SYT1: variants seen among roughly 807,000 people sequenced by gnomAD.
The protein encoded by SYT1 is synaptotagmin 1, also known as synaptotagmin-1.
SYT1 carries 8 observed loss-of-function variants against 44.8 expected under a neutral mutation model. The ratio of observed to expected loss-of-function variants is 0.18; its 90% CI spans 0.10 to 0.32. SYT1 has a LOEUF of 0.32. Among genes scored for constraint, SYT1 ranks in the 10% least tolerant of loss-of-function variants. The pLI is 1.00. For missense variants in SYT1, 286 were observed against 509.3 expected, an observed-to-expected ratio of 0.56 and a Z score of 4.22; for synonymous variants, 154 against 188.8, an observed-to-expected ratio of 0.82 and a Z score of 1.51.
At chr12:78,955,251 G>A (rs915174344) in intron 1 of SYT1, among the ~76,000 whole-genome samples, 1 of 151,868 alleles carries the variant, frequency 6.6e-6, no homozygotes, top group Non-Finnish European at 1.5e-5. Flanking sequence ...AAATTCAGAA[G>A]ACAAGAAAAG....
intron 8 of SYT1, among the ~76,000 whole-genome samples, chr12:79,336,861 G>A (rs956217278): frequency 6.6e-6 from 1 of 151,858 alleles, no homozygotes; most frequent in Non-Finnish European, 1.5e-5. Flanking sequence ...TTGGGGGGTG[G>A]AGACAGGGTC....
intron 1 of SYT1, among the ~76,000 whole-genome samples, chr12:78,948,128 C>T (rs187430288): frequency 3.3e-5 from 5 of 151,658 alleles, no homozygotes; most frequent in Non-Finnish European, 7.4e-5. Flanking sequence ...AGCACTATTA[C>T]TTAGGTAATT....
At chr12:79,178,043 T>G (rs1013194520) in intron 3 of SYT1, among the ~76,000 whole-genome samples, 12 of 151,844 alleles carry the variant, frequency 7.9e-5, no homozygotes, top group African/African-American at 2.4e-4. Flanking sequence ...AGAAGCTCTT[T>G]AGTTTAATTA....
chr12:79,386,731 G>A (rs943331975), intron 9 of SYT1, among the ~76,000 whole-genome samples: 3 of 152,032 alleles, frequency 2.0e-5, no homozygotes, highest in Admixed American at 1.3e-4. Flanking sequence ...TTTTCAAAAC[G>A]TCTCAGTGCC....
intron 9 of SYT1, among the ~76,000 whole-genome samples, chr12:79,358,690 C>T (rs1883204048): frequency 6.6e-6 from 1 of 152,102 alleles, no homozygotes; most frequent in African/African-American, 2.4e-5. Flanking sequence ...TCAGCCTTGC[C>T]CACACCCCTA....
At chr12:78,999,456 A>G (rs553953086) in intron 2 of SYT1, among the ~76,000 whole-genome samples, 40 of 152,266 alleles carry the variant, frequency 2.6e-4, no homozygotes, top group African/African-American at 9.1e-4. Flanking sequence ...CATGATGTAA[A>G]CGGTTTCTGA....
At chr12:78,947,974 A>G (rs1185125348) in intron 1 of SYT1, among the ~76,000 whole-genome samples, 1 of 151,982 alleles carries the variant, frequency 6.6e-6, no homozygotes, top group Non-Finnish European at 1.5e-5. Flanking sequence ...TATAGATTTC[A>G]AGTTCATTTT....
intron 3 of SYT1, among the ~76,000 whole-genome samples, chr12:79,131,926 G>A (rs1868848099): frequency 6.6e-6 from 1 of 152,164 alleles, no homozygotes; most frequent in South Asian, 2.1e-4. Context: ...TACATGTATG[G>A]AGCTATGATA....
chr12:79,085,620 T>C (rs577913032), intron 3 of SYT1, among the ~76,000 whole-genome samples: 11 of 152,272 alleles, frequency 7.2e-5, no homozygotes, highest in Middle Eastern at 3.4e-3. Context: ...AATTGGGTCC[T>C]AATTAGAGAA....
At chr12:79,143,192 C>T (rs1396559481) in intron 3 of SYT1, among the ~76,000 whole-genome samples, 1 of 152,132 alleles carries the variant, frequency 6.6e-6, no homozygotes, top group Non-Finnish European at 1.5e-5. Context: ...GCAATTGTTA[C>T]CATAGGAACA....
intron 1 of SYT1, among the ~76,000 whole-genome samples, chr12:78,950,471 T>C (rs1408653184): frequency 6.6e-6 from 1 of 152,116 alleles, no homozygotes; most frequent in Non-Finnish European, 1.5e-5. Context: ...CTGTGGAATA[T>C]ATAGGAACTG....
At chr12:79,171,814 CTAT>C (rs928919384) in intron 3 of SYT1, among the ~76,000 whole-genome samples, 1 of 151,910 alleles carries the variant, frequency 6.6e-6, no homozygotes, top group African/African-American at 2.4e-5. Context: ...CTCAGCTCTC[CTAT>C]TATTAATAAA....
intron 8 of SYT1, among the ~76,000 whole-genome samples, chr12:79,313,731 C>T (rs1479337057): frequency 6.6e-6 from 1 of 151,994 alleles, no homozygotes; most frequent in Non-Finnish European, 1.5e-5. Context: ...CCGCTTACTA[C>T]TGATGTCTCC....
In SYT1 at chr12:79,254,308, T is replaced by C. The variant is rs1592901885; in HGVS notation, c.167-31479T>C. On this transcript the variant is annotated intron_variant, in intron 4 of 10. Transcript: ENST00000261205. ...GATGACACAGCTACTCTTCCTATGTTCTATAAATGGAACAACAAAGCTGGA... is the reference window on the plus strand; with the variant it reads ...GATGACACAGCTACTCTTCCTATGTCCTATAAATGGAACAACAAAGCTGGA... Among the ~76,000 whole-genome samples, 6 of 152,318 alleles carry C rather than the reference T, an allele frequency of 3.9e-5. No homozygotes were observed. The South Asian group carries it at 1.2e-3, about 32-fold the overall frequency.
chr12:79,059,039 A>G (rs564639642), intron 3 of SYT1, among the ~76,000 whole-genome samples: 118 of 152,188 alleles, frequency 7.8e-4, no homozygotes, highest in Non-Finnish European at 1.2e-3. Flanking sequence ...ACAGTTCCAC[A>G]TAGCTGGGGA....
chr12:79,300,984 G>T (rs1880124180), intron 8 of SYT1, among the ~76,000 whole-genome samples: 1 of 150,198 alleles, frequency 6.7e-6, no homozygotes. Flanking sequence ...TAATAGTAAT[G>T]TTACAGACAT....
At chr12:78,905,543 C>T (rs2126624) in intron 1 of SYT1, among the ~76,000 whole-genome samples, 33,554 of 152,038 alleles carry the variant, frequency 0.22, 5,802 homozygotes, top group African/African-American at 0.49. Context: ...TTTATGTTTA[C>T]TAAAATTCCT....
chr12:79,286,201 C>G (rs561674158), intron 5 of SYT1, among the ~76,000 whole-genome samples: 4 of 152,292 alleles, frequency 2.6e-5, no homozygotes, highest in African/African-American at 9.6e-5. Flanking sequence ...CCATGATCAT[C>G]AGGCCCATCT....
At chr12:78,940,452 C>G (rs1426636979) in intron 1 of SYT1, among the ~76,000 whole-genome samples, 1 of 152,162 alleles carries the variant, frequency 6.6e-6, no homozygotes, top group Non-Finnish European at 1.5e-5. Flanking sequence ...TGCAGTGGCC[C>G]AATCATGGCT....
Sources: allele counts gnomAD v4.1 joint callset (sites outside exome capture counted in the v4.1 genomes callset), GRCh38; gene constraint gnomAD v4.1.1; transcripts MANE v1.5; gene names NCBI Gene and HGNC (gene_info 2026-07-23, HGNC 2026-07-21).